MGAT4C: variants seen among roughly 807,000 people sequenced by gnomAD.
The protein encoded by MGAT4C is alpha-1,3-mannosyl-glycoprotein 4-beta-N-acetylglucosaminyltransferase C.
A neutral mutation model predicts 40.1 loss-of-function variants in MGAT4C; 19 were observed. The observed-to-expected ratio is 0.47, with a 90% CI of 0.33 to 0.70. The LOEUF (loss-of-function observed/expected upper bound fraction) is 0.70. Ranked by LOEUF, MGAT4C falls within the 30% of genes least tolerant of loss-of-function variation. The pLI is 0.02. For synonymous variants in MGAT4C, 181 were observed against 187.1 expected (o/e 0.97, Z 0.27); for missense variants, 491 against 563.2 (o/e 0.87, Z 1.30).
At chr12:86,316,941 T>C (rs1310514148) in intron 4 of MGAT4C, among the ~76,000 whole-genome samples, 5 of 151,562 alleles carry the variant, frequency 3.3e-5, no homozygotes, top group African/African-American at 9.7e-5. Flanking sequence ...AAGTTTTAAC[T>C]GAAATATTTA....
chr12:86,322,348 T>C (rs1954414112), intron 4 of MGAT4C, among the ~76,000 whole-genome samples: 1 of 151,782 alleles, frequency 6.6e-6, no homozygotes, highest in Non-Finnish European at 1.5e-5. Flanking sequence ...GTTGTGCACA[T>C]GTACCCTAGA....
chr12:86,008,982 G>A lies in MGAT4C; in HGVS notation c.-6-19430C>T, dbSNP rs139509663. Among the ~76,000 whole-genome samples, 383 of 151,994 alleles carry A rather than the reference G, an allele frequency of 2.5e-3. 2 individuals are homozygous for A. Among genetic ancestry groups the A allele is most frequent in the African/African-American group, 8.7e-3 (360 of 41,496 alleles). On this transcript the variant is annotated intron_variant, in intron 2 of 4. Transcript: ENST00000611864. ...AATTATTTTTATATACTGTTGATTT[G>A]CTAAGATTTTCTTTCTGCATTTATG...
chr12:86,740,809 C>T (rs1951057919), intron 1 of MGAT4C, among the ~76,000 whole-genome samples: 1 of 151,164 alleles, frequency 6.6e-6, no homozygotes, highest in Admixed American at 6.6e-5. Flanking sequence ...TATTTGAATG[C>T]ACACAGTTCT....
At chr12:86,130,999 A>G (rs2135711269) in intron 1 of MGAT4C, among the ~76,000 whole-genome samples, 1 of 152,174 alleles carries the variant, frequency 6.6e-6, no homozygotes, top group East Asian at 1.9e-4. Flanking sequence ...CTGTTATTAT[A>G]TAATAACTAA....
At chr12:86,455,054 C>T (rs1324352496) in intron 2 of MGAT4C, among the ~76,000 whole-genome samples, 1 of 152,080 alleles carries the variant, frequency 6.6e-6, no homozygotes, top group Admixed American at 6.6e-5. Flanking sequence ...TACCTGCTTG[C>T]ATTGATTGTG....
intron 1 of MGAT4C, among the ~76,000 whole-genome samples, chr12:86,073,435 TAACAGGTAGTAGTTGG>T (rs1869000250): frequency 6.6e-6 from 1 of 152,200 alleles, no homozygotes; most frequent in Non-Finnish European, 1.5e-5. Context: ...TGGAACTGGG[TAACAGGTAGTAGTTGG>T]AACAGTTTGG....
chr12:86,593,359 A>G (rs1428038390), intron 2 of MGAT4C, among the ~76,000 whole-genome samples: 3 of 151,772 alleles, frequency 2.0e-5, no homozygotes, highest in African/African-American at 4.8e-5. Context: ...CTGTTTTTCC[A>G]TTGTCTATTT....
chr12:85,979,684 T>C lies in MGAT4C; in HGVS notation c.1042A>G (p.Asn348Asp). 3 of 1,613,448 alleles carry C rather than the reference T, an allele frequency of 1.9e-6. No individual in the cohort carries two copies. Among genetic ancestry groups the C allele is most frequent in the Non-Finnish European group, 2.5e-6 (3 of 1,179,800 alleles). ...PDNPPASLYT[N>D]MNVFENYEAS... ...TCATAATTTTCAAACACATTCATGT[T>C]GGTGTACAGACTTGCAGGGGGGTTA... The change falls in exon 5 of 5, where the codon AAC (asparagine) becomes GAC (aspartate). Residue 348 changes from asparagine to aspartate, a missense_variant. By Grantham distance (23) the Asn-to-Asp change is conservative (BLOSUM62 1). Coordinates refer to ENST00000611864, the MANE Select transcript of MGAT4C (RefSeq NM_001351288.2).
At chr12:86,419,115 A>G (rs1183537281) in intron 3 of MGAT4C, among the ~76,000 whole-genome samples, 1 of 152,152 alleles carries the variant, frequency 6.6e-6, no homozygotes, top group Non-Finnish European at 1.5e-5. Flanking sequence ...GAGGGAAAAA[A>G]TATAACATTA....
intron 3 of MGAT4C, among the ~76,000 whole-genome samples, chr12:86,411,080 T>A (rs1017904708): frequency 9.2e-5 from 14 of 152,168 alleles, no homozygotes; most frequent in Admixed American, 2.0e-4. Flanking sequence ...ACTTCTTTTA[T>A]TTATAAATTA....
chr12:86,098,908 A>T (rs1207086861), intron 1 of MGAT4C, among the ~76,000 whole-genome samples: 3 of 151,528 alleles, frequency 2.0e-5, no homozygotes, highest in Admixed American at 1.3e-4. Flanking sequence ...ATGTCATGCC[A>T]ACCTAAGAAA....
intron 1 of MGAT4C, among the ~76,000 whole-genome samples, chr12:86,129,995 A>T (rs894988837): frequency 1.3e-5 from 2 of 152,246 alleles, no homozygotes; most frequent in African/African-American, 4.8e-5. Flanking sequence ...GATAGAGAGC[A>T]TTAACTCTGA....
intron 1 of MGAT4C, among the ~76,000 whole-genome samples, chr12:86,118,603 G>A (rs1408268918): frequency 6.6e-6 from 1 of 152,114 alleles, no homozygotes; most frequent in East Asian, 1.9e-4. Flanking sequence ...AGCCAATGCT[G>A]AATGCCAAAA....
intron 3 of MGAT4C, among the ~76,000 whole-genome samples, chr12:86,409,307 A>G (rs1297607659): frequency 2.0e-5 from 3 of 152,190 alleles, no homozygotes; most frequent in Non-Finnish European, 4.4e-5. Flanking sequence ...TCCACAATTA[A>G]AGCACTGAAA....
At chr12:86,375,878 C>T (rs1955813518) in intron 3 of MGAT4C, among the ~76,000 whole-genome samples, 1 of 151,898 alleles carries the variant, frequency 6.6e-6, no homozygotes, top group Non-Finnish European at 1.5e-5. Flanking sequence ...AATGGAGAGA[C>T]TATACAACGC....
intron 4 of MGAT4C, among the ~76,000 whole-genome samples, chr12:86,314,087 G>A (rs1044131161): frequency 7.9e-5 from 12 of 152,188 alleles, no homozygotes; most frequent in Non-Finnish European, 1.3e-4. Flanking sequence ...TATTTCAGGA[G>A]CACAATAAGC....
At chr12:86,660,493 A>C (rs888979538) in intron 2 of MGAT4C, among the ~76,000 whole-genome samples, 7 of 152,168 alleles carry the variant, frequency 4.6e-5, no homozygotes, top group African/African-American at 1.4e-4. Context: ...TGGGTAATTG[A>C]ATATAAAGAT....
intron 1 of MGAT4C, among the ~76,000 whole-genome samples, chr12:86,774,345 C>CTTTCTG (rs1951708548): frequency 6.7e-5 from 1 of 14,910 alleles, no homozygotes; most frequent in Non-Finnish European, 1.4e-4. Context: ...CTTTCTGTCT[C>CTTTCTG]TCTCTCTCCC....
intron 2 of MGAT4C, among the ~76,000 whole-genome samples, chr12:86,522,326 T>C (rs1315209488): frequency 6.6e-6 from 1 of 152,176 alleles, no homozygotes; most frequent in Non-Finnish European, 1.5e-5. Flanking sequence ...TGTTGAAATT[T>C]ATTAAAATTC....
Sources: allele counts gnomAD v4.1 joint callset (sites outside exome capture counted in the v4.1 genomes callset), GRCh38; gene constraint gnomAD v4.1.1; transcripts MANE v1.5; gene names NCBI Gene and HGNC (gene_info 2026-07-23, HGNC 2026-07-21).